ZNRF2: variants seen among roughly 807,000 people sequenced by gnomAD.
ZNRF2 encodes the protein E3 ubiquitin-protein ligase ZNRF2.
In ZNRF2, 16 loss-of-function variants were observed where a neutral mutation model predicts 20.4. The ratio of observed to expected loss-of-function variants is 0.79; its 90% CI spans 0.53 to 1.19. The LOEUF (loss-of-function observed/expected upper bound fraction) is 1.19. ZNRF2 is among the 50% of genes most tolerant of loss of function. ZNRF2 has a pLI of 0.00. For missense variants in ZNRF2, 363 were observed against 332.4 expected (o/e 1.09, Z -0.72); for synonymous variants, 178 against 144.9 (o/e 1.23, Z -1.64).
At chr7:30,350,312 A>G (rs1799943749) in intron 2 of ZNRF2, among the ~76,000 whole-genome samples, 1 of 152,066 alleles carries the variant, frequency 6.6e-6, no homozygotes, top group Non-Finnish European at 1.5e-5. Flanking sequence ...AAGAGTAACA[A>G]ATTTTATTTC....
chr7:30,320,648 A>G (rs1250996438), intron 1 of ZNRF2, among the ~76,000 whole-genome samples: 1 of 152,158 alleles, frequency 6.6e-6, no homozygotes, highest in Non-Finnish European at 1.5e-5. Flanking sequence ...TTCTGAGCAC[A>G]TTTAAGGTAG....
At chr7:30,310,323 T>C (rs1056573060) in intron 1 of ZNRF2, among the ~76,000 whole-genome samples, 1 of 152,230 alleles carries the variant, frequency 6.6e-6, no homozygotes, top group African/African-American at 2.4e-5. Flanking sequence ...CGAAACTTTT[T>C]CAGAATGGTT....
At chr7:30,365,899 C>T (rs1800206046) in intron 4 of ZNRF2, 136 bp from the exon 5 acceptor site, 1 of 152,118 alleles carries the variant, frequency 6.6e-6, no homozygotes, top group Admixed American at 6.5e-5. Flanking sequence ...TGTGACTAAA[C>T]TTTAATTGAT....
chr7:30,301,612 GGTCA>G (rs1346855620), intron 1 of ZNRF2, among the ~76,000 whole-genome samples: 1 of 151,232 alleles, frequency 6.6e-6, no homozygotes. Context: ...GGTACTCTGA[GGTCA>G]GTCAAACTAG....
At chr7:30,288,873 ATTTTAGGGT>A (rs1208505870) in intron 1 of ZNRF2, 1 of 152,046 alleles carries the variant, frequency 6.6e-6, no homozygotes, top group Non-Finnish European at 1.5e-5. Context: ...TGTTGATGGT[ATTTTAGGGT>A]TTGTTTGGCT....
intron 2 of ZNRF2, among the ~76,000 whole-genome samples, chr7:30,350,338 C>G (rs1174254250): frequency 2.6e-5 from 4 of 151,972 alleles, no homozygotes; most frequent in African/African-American, 9.7e-5. Flanking sequence ...AAAGAATAGT[C>G]TTAATTTTGC....
At chr7:30,320,694 T>C (rs1799455386) in intron 1 of ZNRF2, among the ~76,000 whole-genome samples, 1 of 152,196 alleles carries the variant, frequency 6.6e-6, no homozygotes, top group Admixed American at 6.5e-5. Context: ...AGTTTAGGTG[T>C]ATGCATTTTC....
chr7:30,354,049 C>T (rs998675806), intron 2 of ZNRF2, among the ~76,000 whole-genome samples: 5 of 151,606 alleles, frequency 3.3e-5, no homozygotes, highest in Non-Finnish European at 7.4e-5. Context: ...TCTGAATCTC[C>T]TATTGAAAGA....
At chr7:30,353,679 T>TTTCA (rs1377012329) in intron 2 of ZNRF2, among the ~76,000 whole-genome samples, 1 of 152,164 alleles carries the variant, frequency 6.6e-6, no homozygotes, top group East Asian at 1.9e-4. Flanking sequence ...CTCAAAGACT[T>TTTCA]TGAAGAGCTC....
intron 1 of ZNRF2, among the ~76,000 whole-genome samples, chr7:30,297,077 T>C (rs1799031749): frequency 6.6e-6 from 1 of 152,226 alleles, no homozygotes; most frequent in South Asian, 2.1e-4. Flanking sequence ...TTGGCTGCTT[T>C]TCTTTTCCTG....
chr7:30,285,078 C>T lies in ZNRF2; in HGVS notation c.-280C>T, dbSNP rs1304899244. The T allele has an allele frequency of 7.3e-6, 3 of 411,630 alleles. No individual in the cohort carries two copies. The highest frequency in any genetic ancestry group is 1.4e-5 in the Non-Finnish European group (3 of 209,000). The allele number at this position is 411,630 out of a possible 1,614,324, so 25.5% of individuals were successfully genotyped here. ...GCACGGCCACTTGAGCCGCCCCTTC[C>T]TGCTGGAGCCAGCGAGGGGTGCCTG... On this transcript the variant is annotated 5_prime_UTR_variant, in exon 1 of 5. Transcript: ENST00000323037.
In ZNRF2 at chr7:30,284,676, C is replaced by G. The variant is rs1031022602; in HGVS notation, c.-682C>G. On this transcript the variant is annotated 5_prime_UTR_variant, in exon 1 of 5. In the 5' UTR this introduces an upstream ATG that the reference lacks. Transcript: ENST00000323037. ...CGGGGCCGGGGAACCTCCTCCCCAT[C>G]TGCGCACCCCCCGCCTTCGCGGCCC... The G allele has an allele frequency of 1.3e-5, 2 of 156,926 alleles. No individual in the cohort carries two copies. The highest frequency in any genetic ancestry group is 1.3e-4 in the Admixed American group (2 of 15,290). 9.7% of individuals were successfully genotyped at this position (156,926 alleles called of 1,614,324 possible).
At chr7:30,294,066 A>T (rs1798964868) in intron 1 of ZNRF2, among the ~76,000 whole-genome samples, 1 of 151,808 alleles carries the variant, frequency 6.6e-6, no homozygotes, top group African/African-American at 2.4e-5. Context: ...TTGCCCAGGC[A>T]GGATTATGTG....
chr7:30,333,419 G>T (rs1474962009), intron 2 of ZNRF2, among the ~76,000 whole-genome samples: 1 of 151,086 alleles, frequency 6.6e-6, no homozygotes, highest in African/African-American at 2.4e-5. Context: ...GCCCAGGCTG[G>T]AGTGCAGTGG....
At chr7:30,332,535 C>G (rs1799651972) in intron 2 of ZNRF2, among the ~76,000 whole-genome samples, 1 of 152,140 alleles carries the variant, frequency 6.6e-6, no homozygotes, top group Admixed American at 6.5e-5. Flanking sequence ...TCTCTTCCCA[C>G]TTTTGGAGTT....
At chr7:30,351,049 T>C (rs34821234) in intron 2 of ZNRF2, among the ~76,000 whole-genome samples, 10 of 151,668 alleles carry the variant, frequency 6.6e-5, no homozygotes, top group East Asian at 3.9e-4. Context: ...TTTTTTTTTT[T>C]CCATGTCGTC....
intron 2 of ZNRF2, among the ~76,000 whole-genome samples, chr7:30,349,809 T>TTTA (rs1342958490): frequency 6.6e-6 from 1 of 152,122 alleles, no homozygotes; most frequent in Non-Finnish European, 1.5e-5. Context: ...CAAAGTATAC[T>TTTA]TTATTCTATT....
chr7:30,285,100 C>A lies in ZNRF2; in HGVS notation c.-258C>A. The A allele has an allele frequency of 2.4e-6, 1 of 415,838 alleles. No homozygotes were observed. Among genetic ancestry groups the A allele is most frequent in the Admixed American group, 2.7e-5 (1 of 36,856 alleles). 25.8% of individuals were successfully genotyped at this position (415,838 alleles called of 1,614,324 possible). Reference sequence around the variant, plus strand: ...TTCCTGCTGGAGCCAGCGAGGGGTGCCTGCAGCCGGGACCCCTTCCTCTCC... The same window carrying A: ...TTCCTGCTGGAGCCAGCGAGGGGTGACTGCAGCCGGGACCCCTTCCTCTCC... On this transcript the variant is annotated 5_prime_UTR_variant, in exon 1 of 5. Transcript: ENST00000323037.
chr7:30,314,696 A>C (rs1483491415), intron 1 of ZNRF2, among the ~76,000 whole-genome samples: 5 of 152,066 alleles, frequency 3.3e-5, no homozygotes, highest in Non-Finnish European at 5.9e-5. Flanking sequence ...CTTCAACAAT[A>C]GCTGTCCAAT....
Sources: allele counts gnomAD v4.1 joint callset (sites outside exome capture counted in the v4.1 genomes callset), GRCh38; gene constraint gnomAD v4.1.1; transcripts MANE v1.5; gene names NCBI Gene and HGNC (gene_info 2026-07-23, HGNC 2026-07-21).